The following DDX60L variants were observed in gnomAD, a reference collection of about 807,000 sequenced individuals.
DDX60L encodes the protein probable ATP-dependent RNA helicase DDX60-like.
In DDX60L, 191 loss-of-function variants were observed where a neutral mutation model predicts 211.6. The ratio of observed to expected loss-of-function variants is 0.90; its 90% CI spans 0.80 to 1.02. The LOEUF is 1.02. Among genes scored for constraint, DDX60L ranks in the 50% least tolerant of loss-of-function variants. DDX60L has a pLI of 0.00. For missense variants in DDX60L, 2,007 were observed against 1,984.1 expected, an observed-to-expected ratio of 1.01 and a Z score of -0.22; for synonymous variants, 706 against 694.1, an observed-to-expected ratio of 1.02 and a Z score of -0.27.
At chr4:168,391,707 T>C (rs949539801) in intron 28 of DDX60L, 63 bp from the exon 29 acceptor site, 1 of 853,124 alleles carries the variant, frequency 1.2e-6, no homozygotes, top group Non-Finnish European at 1.7e-6. Flanking sequence ...ACACAAGATC[T>C]ATTTTCCACT....
Position 168,358,177 on chromosome 4 carries a change from T to A in DDX60L, c.5091A>T (p.Gln1697His), listed in dbSNP as rs1291655220. 3.1e-6 allele frequency: 5 copies of A among 1,608,736 alleles called. No homozygotes were observed. The highest frequency in any genetic ancestry group is 4.2e-6 in the Non-Finnish European group (5 of 1,177,656). ...CTAAATGATTTTGACTCATTTGAAT[T>A]TGCATTTCTTGAAGTTTCTCATAAA... ...QTFYEKLQEM[Q>H]IQMSQNHLE The change falls in exon 38 of 38, where the codon CAA becomes CAT. Residue 1697 changes from glutamine (Q) to histidine (H), a missense_variant. By Grantham distance (24) the Gln-to-His change is conservative (BLOSUM62 0). Transcript: ENST00000682922.
At chr4:168,448,834 T>G in intron 8 of DDX60L, 55 bp from the exon 9 acceptor site, 1 of 1,529,268 alleles carries the variant, frequency 6.5e-7, no homozygotes, top group South Asian at 1.2e-5. Flanking sequence ...AATTTCATAC[T>G]CCTGGTTAAC....
chr4:168,456,424 C>T (rs2150075925), intron 6 of DDX60L, among the ~76,000 whole-genome samples: 1 of 151,788 alleles, frequency 6.6e-6, no homozygotes, highest in South Asian at 2.1e-4. Context: ...AACTGATTCA[C>T]AAAGAAGGAA....
rs959450666 is a variant in DDX60L at position 168,423,744 on chromosome 4, A to T, written c.1961T>A (p.Val654Asp). The T allele has an allele frequency of 6.3e-7, 1 of 1,597,852 alleles. No homozygotes were observed. The highest frequency in any genetic ancestry group is 1.4e-5 in the African/African-American group (1 of 74,046). The change falls in exon 15 of 38, where the codon GTT (valine) becomes GAT (aspartate). Residue 654 changes from valine to aspartate, a missense_variant. Transcript: ENST00000682922. ...TGAATGAATCCTTTTCATCATTTGA[A>T]CAGCTATACTTAAATCTTTCGAAAT... ...GKISKDLSIA[V>D]QMMKRIHSLL...
intron 26 of DDX60L, 146 bp downstream of exon 26, chr4:168,400,680 C>T (rs1389701809): frequency 6.1e-6 from 4 of 652,368 alleles, no homozygotes; most frequent in Admixed American, 3.1e-5. Flanking sequence ...CTCCCATCCT[C>T]CCACCCAAAT....
intron 22 of DDX60L, among the ~76,000 whole-genome samples, chr4:168,411,798 C>T (rs566972393): frequency 5.2e-4 from 79 of 152,176 alleles, no homozygotes; most frequent in South Asian, 4.4e-3. Context: ...CCTCCCCCAA[C>T]CCTAAGCAGT....
At chr4:168,374,033 A>G (rs903000064) in intron 34 of DDX60L, among the ~76,000 whole-genome samples, 1 of 151,928 alleles carries the variant, frequency 6.6e-6, no homozygotes, top group African/African-American at 2.4e-5. Context: ...ATTACCTGTT[A>G]TTTTTGCCTA....
chr4:168,463,693 C>A (rs1238181235), intron 4 of DDX60L, among the ~76,000 whole-genome samples: 1 of 152,164 alleles, frequency 6.6e-6, no homozygotes, highest in East Asian at 1.9e-4. Context: ...AATCAAAACA[C>A]TGCTTTCACT....
chr4:168,446,479 C>T (rs1366770459), intron 9 of DDX60L, among the ~76,000 whole-genome samples: 2 of 152,150 alleles, frequency 1.3e-5, no homozygotes, highest in South Asian at 4.1e-4. Context: ...AGATTCAATG[C>T]CATCCCCATC....
chr4:168,391,019 A>T (rs1309570163), intron 29 of DDX60L, among the ~76,000 whole-genome samples: 1 of 152,166 alleles, frequency 6.6e-6, no homozygotes, highest in African/African-American at 2.4e-5. Context: ...AAGGCTTGGA[A>T]TTTGGAAAAC....
chr4:168,383,530 T>C (rs1743324417), intron 30 of DDX60L, among the ~76,000 whole-genome samples: 2 of 152,234 alleles, frequency 1.3e-5, no homozygotes, highest in South Asian at 2.1e-4. Context: ...TGATTGGCTA[T>C]ACATTGTTGA....
intron 8 of DDX60L, among the ~76,000 whole-genome samples, chr4:168,449,844 T>C (rs2150048581): frequency 6.9e-6 from 1 of 145,876 alleles, no homozygotes; most frequent in African/African-American, 2.6e-5. Context: ...AACCCAGAAG[T>C]AGGGATTGAA....
rs1170892126 is a variant in DDX60L, at chr4:168,386,695, G to A, written c.3916-1883C>T. Among the ~76,000 whole-genome samples, 4 of 151,560 alleles carry A rather than the reference G, an allele frequency of 2.6e-5. No individual in the cohort carries two copies. The East Asian group carries it at 7.8e-4, about 29-fold the overall frequency. ...AATCCCTGATGTTTTTTTAATCAAA[G>A]TCACGTCCCCAAGGGCCAGGTGAGC... On this transcript the variant is annotated intron_variant, in intron 29 of 37. Coordinates refer to ENST00000682922, the MANE Select transcript of DDX60L (RefSeq NM_001012967.3).
chr4:168,462,959 A>G (rs1757518509), intron 4 of DDX60L, among the ~76,000 whole-genome samples: 1 of 152,212 alleles, frequency 6.6e-6, no homozygotes, highest in Non-Finnish European at 1.5e-5. Flanking sequence ...TAAAAATAAT[A>G]AAAAATGAGA....
intron 17 of DDX60L, among the ~76,000 whole-genome samples, chr4:168,421,424 C>T (rs548739991): frequency 1.3e-5 from 2 of 152,254 alleles, no homozygotes; most frequent in South Asian, 4.1e-4. Context: ...CTTCAGGAGG[C>T]CAAGGTGGGT....
At chr4:168,375,917 C>T (rs1741869811) in intron 33 of DDX60L, among the ~76,000 whole-genome samples, 1 of 152,108 alleles carries the variant, frequency 6.6e-6, no homozygotes, top group Admixed American at 6.5e-5. Context: ...CTTTGCTGCC[C>T]CAAGCACTTG....
intron 11 of DDX60L, 36 bp downstream of exon 11, chr4:168,432,974 G>T: frequency 2.2e-6 from 3 of 1,365,042 alleles, no homozygotes; most frequent in Non-Finnish European, 2.1e-6. Context: ...TTTTCAAGTT[G>T]ATGGCACTAA....
intron 27 of DDX60L, 191 bp downstream of exon 27, chr4:168,395,768 A>G (rs892535000): frequency 3.7e-6 from 2 of 533,586 alleles, no homozygotes; most frequent in Non-Finnish European, 6.5e-6. Context: ...ACACTGAGCA[A>G]GGAAGAGTCA....
Position 168,371,715 on chromosome 4 carries a change from A to G in DDX60L, c.4825T>C (p.Trp1609Arg), listed in dbSNP as rs371103891. The change falls in exon 36 of 38, where the codon TGG becomes CGG. Residue 1609 changes from tryptophan to arginine, a missense_variant. Coordinates refer to ENST00000682922, the MANE Select transcript of DDX60L (RefSeq NM_001012967.3). Reference sequence around the variant, plus strand: ...CCTCGGTTATCTAATTTCCATGGCCACAGCAGAGGAGCCTGAGTGCCACTA... The same window carrying G: ...CCTCGGTTATCTAATTTCCATGGCCGCAGCAGAGGAGCCTGAGTGCCACTA... ...GVSGTQAPLLWPWKLDNRGRR... is the reference protein window; with the variant it reads ...GVSGTQAPLLRPWKLDNRGRR... 9 of 1,612,064 alleles carry G rather than the reference A, an allele frequency of 5.6e-6. No homozygotes were observed. The highest frequency in any genetic ancestry group is 1.3e-5 in the African/African-American group (1 of 74,984).
Sources: allele counts gnomAD v4.1 joint callset (sites outside exome capture counted in the v4.1 genomes callset), GRCh38; gene constraint gnomAD v4.1.1; transcripts MANE v1.5; gene names NCBI Gene and HGNC (gene_info 2026-07-23, HGNC 2026-07-21).